Variants in KLHL8 observed in about 807,000 individuals in gnomAD.
The protein encoded by KLHL8 is kelch-like protein 8.
Under a neutral mutation model 63.5 loss-of-function variants are expected in KLHL8, and 38 were observed. The observed-to-expected ratio is 0.60, with a 90% CI of 0.46 to 0.78. The LOEUF is 0.78. KLHL8 is among the 30% of genes least tolerant of loss of function. KLHL8 has a pLI of 0.00. For synonymous variants in KLHL8, 224 were observed against 254.3 expected, an observed-to-expected ratio of 0.88 and a Z score of 1.13; for missense variants, 566 against 752.4, an observed-to-expected ratio of 0.75 and a Z score of 2.90.
chr4:87,228,760 G>T (rs1410082001), intron 1 of KLHL8, among the ~76,000 whole-genome samples: 1 of 152,226 alleles, frequency 6.6e-6, no homozygotes, highest in Non-Finnish European at 1.5e-5. Context: ...CAGGGTATGT[G>T]AATTTACTTC....
intron 4 of KLHL8, among the ~76,000 whole-genome samples, 198 bp downstream of exon 4, chr4:87,183,005 G>A (rs1275741537): frequency 2.0e-5 from 3 of 152,136 alleles, no homozygotes; most frequent in African/African-American, 4.8e-5. Flanking sequence ...GACTGATTAC[G>A]GCTTTTTAAA....
rs1730251494 is a variant in KLHL8 at position 87,163,414 on chromosome 4, A to G, written c.*105T>C. 7 of 1,122,018 alleles carry G rather than the reference A, an allele frequency of 6.2e-6. No homozygotes were observed. The highest frequency in any genetic ancestry group is 9.0e-6 in the Non-Finnish European group (7 of 781,212). 69.5% of individuals were successfully genotyped at this position (1,122,018 alleles called of 1,614,324 possible). Reference sequence around the variant, plus strand: ...CAATACAACAGTTAACATTTAAATAAGACTCTAGTTGCAGTAAAAAGTGTT... The same window carrying G: ...CAATACAACAGTTAACATTTAAATAGGACTCTAGTTGCAGTAAAAAGTGTT... On this transcript the variant is annotated 3_prime_UTR_variant, in exon 10 of 10. Coordinates refer to ENST00000273963, the MANE Select transcript of KLHL8 (RefSeq NM_020803.5).
chr4:87,177,970 C>G (rs1168484911), intron 5 of KLHL8, among the ~76,000 whole-genome samples: 1 of 151,954 alleles, frequency 6.6e-6, no homozygotes, highest in Non-Finnish European at 1.5e-5. Flanking sequence ...GTGACTACTT[C>G]TGGGTGTTTG....
At chr4:87,168,287 T>G (rs1274584998) in intron 8 of KLHL8, among the ~76,000 whole-genome samples, 2 of 152,100 alleles carry the variant, frequency 1.3e-5, no homozygotes, top group Non-Finnish European at 2.9e-5. Context: ...GAGGGAACTA[T>G]GAGGGTTTTG....
At chr4:87,186,202 C>A (rs1317189304) in intron 2 of KLHL8, among the ~76,000 whole-genome samples, 1 of 151,936 alleles carries the variant, frequency 6.6e-6, no homozygotes, top group Non-Finnish European at 1.5e-5. Flanking sequence ...CCACGCCTGG[C>A]TAATTTTTGT....
chr4:87,178,459 A>T lies in KLHL8; in HGVS notation c.1096+18T>A, dbSNP rs760583203. 1 of 1,583,938 alleles carries T rather than the reference A, an allele frequency of 6.3e-7. No individual in the cohort carries two copies. Among genetic ancestry groups the T allele is most frequent in the Non-Finnish European group, 8.5e-7 (1 of 1,171,050 alleles). On this transcript the variant is annotated intron_variant, in intron 5 of 9. Coordinates refer to ENST00000273963, the MANE Select transcript of KLHL8 (RefSeq NM_020803.5). ...GAGCATTGTGATCATATGATATTTC[A>T]GACAAGAGTGGACCCACCTTCCACA...
chr4:87,184,063 G>A (rs1731157907), intron 3 of KLHL8, among the ~76,000 whole-genome samples: 1 of 152,152 alleles, frequency 6.6e-6, no homozygotes, highest in Non-Finnish European at 1.5e-5. Context: ...GTTGAGTCCA[G>A]TCTCTCTCCC....
At chr4:87,212,911 G>C (rs1477869589) in intron 1 of KLHL8, among the ~76,000 whole-genome samples, 2 of 152,204 alleles carry the variant, frequency 1.3e-5, no homozygotes, top group African/African-American at 4.8e-5. Context: ...TATGACGTTT[G>C]CACAATGGCA....
rs1310395084 is a variant in KLHL8 at position 87,226,809 on chromosome 4, T to TTA, written n.58-5421_58-5420dup. Among the ~76,000 whole-genome samples, 10 of 7,760 alleles carry TTA rather than the reference T, an allele frequency of 1.3e-3. 2 individuals carry two copies. The highest frequency in any genetic ancestry group is 5.4e-3 in the African/African-American group (7 of 1,290). 5.1% of individuals were successfully genotyped at this position (7,760 alleles called of 152,430 possible). On this transcript the variant is annotated intron_variant and non_coding_transcript_variant, in intron 1 of 1. Transcript: ENST00000506274. ...TAATATATATTATATATAATATATA[T>TTA]TATATATAATATATATTATTTATAA...
upstream of KLHL8, among the ~76,000 whole-genome samples, chr4:87,223,071 C>T (rs566384436): frequency 6.6e-6 from 1 of 152,210 alleles, no homozygotes; most frequent in South Asian, 2.1e-4. Context: ...ATTCTCCCAC[C>T]TCCCGAGTAG....
At chr4:87,182,057 T>A (rs984612713) in intron 4 of KLHL8, among the ~76,000 whole-genome samples, 5 of 151,580 alleles carry the variant, frequency 3.3e-5, no homozygotes, top group Non-Finnish European at 5.9e-5. Context: ...TGAAACCCCG[T>A]CTCTACTAAA....
At chr4:87,164,151 CT>C (rs1315115789) in intron 8 of KLHL8, 72 bp from the exon 9 acceptor site, 1 of 1,299,700 alleles carries the variant, frequency 7.7e-7, no homozygotes, top group Non-Finnish European at 1.1e-6. Flanking sequence ...AATTCAATGG[CT>C]TTTACAACCC....
At chr4:87,215,050 C>T (rs11736542) in intron 1 of KLHL8, among the ~76,000 whole-genome samples, 52,679 of 151,966 alleles carry the variant, frequency 0.35, 9,954 homozygotes, top group Middle Eastern at 0.56. Flanking sequence ...CCACCTGCCT[C>T]GGCCTCCCAC....
chr4:87,223,490 G>A (rs560387680), upstream of KLHL8, among the ~76,000 whole-genome samples: 11 of 152,204 alleles, frequency 7.2e-5, no homozygotes, highest in African/African-American at 1.9e-4. Flanking sequence ...TGGGAAATAC[G>A]CAGTAGACAA....
intron 1 of KLHL8, among the ~76,000 whole-genome samples, chr4:87,199,968 T>G (rs1731846761): frequency 6.6e-6 from 1 of 151,444 alleles, no homozygotes; most frequent in Non-Finnish European, 1.5e-5. Flanking sequence ...AACACAGACC[T>G]TGTCTCTACA....
At position 87,163,490 on chromosome 4, in the gene KLHL8, G is replaced by A. The variant is rs780765268; in HGVS notation, c.*29C>T. On this transcript the variant is annotated 3_prime_UTR_variant, in exon 10 of 10. Coordinates refer to ENST00000273963, the MANE Select transcript of KLHL8 (RefSeq NM_020803.5). ...GTTTTCTTTTGTACCTATCAGATAT[G>A]ACTAAATTGTTGGTGGCCAGAACTC... is the stretch of plus-strand genomic sequence containing the variant. The A allele has an allele frequency of 3.1e-6, 5 of 1,612,496 alleles. No individual in the cohort carries two copies. The highest frequency in any genetic ancestry group is 2.7e-5 in the African/African-American group (2 of 74,980).
At chr4:87,218,308 G>A (rs946182626) in intron 1 of KLHL8, among the ~76,000 whole-genome samples, 21 of 151,134 alleles carry the variant, frequency 1.4e-4, no homozygotes, top group African/African-American at 4.9e-4. Context: ...CGTGATCTCA[G>A]CTCACTTCCA....
intron 6 of KLHL8, among the ~76,000 whole-genome samples, chr4:87,174,216 GGTCA>G (rs887635682): frequency 5.9e-5 from 9 of 151,350 alleles, no homozygotes; most frequent in African/African-American, 2.2e-4. Context: ...TATATATTAA[GGTCA>G]GTATCATTAT....
intron 1 of KLHL8, among the ~76,000 whole-genome samples, chr4:87,239,394 T>C (rs1028563858): frequency 6.6e-6 from 1 of 152,246 alleles, no homozygotes; most frequent in African/African-American, 2.4e-5. Flanking sequence ...TCTGACTCCA[T>C]CTGATGTGTA....
Sources: allele counts gnomAD v4.1 joint callset (sites outside exome capture counted in the v4.1 genomes callset), GRCh38; gene constraint gnomAD v4.1.1; transcripts MANE v1.5; gene names NCBI Gene and HGNC (gene_info 2026-07-23, HGNC 2026-07-21).